Variants in CADM2 observed in about 807,000 individuals in gnomAD.
The protein encoded by CADM2 is cell adhesion molecule 2.
A neutral mutation model predicts 49.8 loss-of-function variants in CADM2; 12 were observed. The ratio of observed to expected loss-of-function variants is 0.24; its 90% CI spans 0.15 to 0.39. The LOEUF is 0.39. Among genes scored for constraint, CADM2 ranks in the 10% least tolerant of loss-of-function variants. CADM2 has a pLI of 1.00. For synonymous variants in CADM2, 214 were observed against 175.4 expected (o/e 1.22, Z -1.74); for missense variants, 378 against 492.3 (o/e 0.77, Z 2.20).
At chr3:85,886,050 A>G (rs1472470628) in intron 4 of CADM2, 140 bp from the exon 5 acceptor site, 70 of 1,261,322 alleles carry the variant, frequency 5.5e-5, no homozygotes, top group Non-Finnish European at 7.5e-5. Context: ...GAAGCAGTTT[A>G]TTACATAGTA....
chr3:85,163,049 G>T (rs1007937826), intron 1 of CADM2, among the ~76,000 whole-genome samples: 12 of 151,962 alleles, frequency 7.9e-5, no homozygotes, highest in Admixed American at 1.3e-4. Context: ...ATGTAAATTT[G>T]AAATAGTTAT....
At chr3:85,689,728 T>A (rs2066326337) in intron 1 of CADM2, among the ~76,000 whole-genome samples, 1 of 152,148 alleles carries the variant, frequency 6.6e-6, no homozygotes, top group South Asian at 2.1e-4. Context: ...ATATTGAAAA[T>A]GAGCAGATTA....
intron 1 of CADM2, among the ~76,000 whole-genome samples, chr3:85,549,065 G>A (rs1376204029): frequency 1.3e-5 from 2 of 152,192 alleles, no homozygotes; most frequent in African/African-American, 4.8e-5. Context: ...ATGAAGCCAA[G>A]TAAGCATAAT....
chr3:85,406,854 G>A (rs2035403325), intron 1 of CADM2, among the ~76,000 whole-genome samples: 1 of 151,388 alleles, frequency 6.6e-6, no homozygotes, highest in Non-Finnish European at 1.5e-5. Context: ...GCCACTTTTT[G>A]TCATCTTCAA....
intron 1 of CADM2, among the ~76,000 whole-genome samples, chr3:85,566,166 G>A (rs924790051): frequency 6.6e-6 from 1 of 152,034 alleles, no homozygotes; most frequent in African/African-American, 2.4e-5. Context: ...AAATCCTTAA[G>A]TTTTTGAGTA....
intron 2 of CADM2, among the ~76,000 whole-genome samples, chr3:85,760,478 A>G (rs996157683): frequency 6.6e-6 from 1 of 152,180 alleles, no homozygotes; most frequent in African/African-American, 2.4e-5. Flanking sequence ...TGTCCACTGC[A>G]TCTGTATGAG....
intron 1 of CADM2, among the ~76,000 whole-genome samples, chr3:85,682,243 G>A (rs2066059997): frequency 6.6e-6 from 1 of 152,060 alleles, no homozygotes; most frequent in African/African-American, 2.4e-5. Flanking sequence ...AGAAAAAGAG[G>A]TTGGGAATAA....
chr3:85,523,791 G>A (rs1208768160), intron 1 of CADM2, among the ~76,000 whole-genome samples: 1 of 151,878 alleles, frequency 6.6e-6, no homozygotes. Context: ...ACAATATGGG[G>A]TCTATAATGA....
At chr3:85,240,599 A>G (rs1438477125) in intron 1 of CADM2, among the ~76,000 whole-genome samples, 7 of 151,556 alleles carry the variant, frequency 4.6e-5, no homozygotes, top group Admixed American at 1.3e-4. Context: ...TGTTGTAGCA[A>G]TATCAATGGG....
intron 1 of CADM2, among the ~76,000 whole-genome samples, chr3:85,377,983 T>C (rs1222470002): frequency 1.3e-5 from 2 of 152,092 alleles, no homozygotes; most frequent in East Asian, 3.9e-4. Context: ...ATATTGTGAC[T>C]GTCTAAATGA....
rs1020223848 is a variant in CADM2 at position 85,368,549 on chromosome 3, A to AAT, written c.62-357963_62-357962dup. ...ATTAATATATATTAATATATACCTG[A>AAT]ATATATATATACCTGAATATATATA... On this transcript the variant is annotated intron_variant, in intron 1 of 9. Coordinates refer to ENST00000383699, the MANE Select transcript of CADM2 (RefSeq NM_001167675.2). 1.0e-4 allele frequency among the ~76,000 whole-genome samples: 15 copies of AAT among 150,008 alleles called. 1 individual carries two copies. Among genetic ancestry groups the AAT allele is most frequent in the Admixed American group, 4.0e-4 (6 of 14,984 alleles).
At chr3:85,469,198 A>G (rs2038656802) in intron 1 of CADM2, among the ~76,000 whole-genome samples, 2 of 152,182 alleles carry the variant, frequency 1.3e-5, no homozygotes, top group Admixed American at 1.3e-4. Flanking sequence ...GGTGGAGTCA[A>G]TTTCTTTTAT....
Position 85,695,589 on chromosome 3 carries a change from T to TACAC in CADM2, c.62-30918_62-30915dup, listed in dbSNP as rs141317727. Reference sequence around the variant, plus strand: ...ATATACACATATATATACGGGTACGTACACACACACACACACACGCACACA... The same window carrying TACAC: ...ATATACACATATATATACGGGTACGTACACACACACACACACACACACGCACACA... On this transcript the variant is annotated intron_variant, in intron 1 of 9. Coordinates refer to ENST00000383699, the MANE Select transcript of CADM2 (RefSeq NM_001167675.2). Among the ~76,000 whole-genome samples, 7 of 149,148 alleles carry TACAC rather than the reference T, an allele frequency of 4.7e-5. No homozygotes were observed. In the South Asian group the frequency reaches 6.3e-4, roughly 13 times the overall value.
chr3:85,660,806 C>T (rs1168265597), intron 1 of CADM2, among the ~76,000 whole-genome samples: 1 of 151,536 alleles, frequency 6.6e-6, no homozygotes, highest in African/African-American at 2.4e-5. Context: ...CAGATATTTC[C>T]AAAGGGAAAA....
intron 8 of CADM2, among the ~76,000 whole-genome samples, chr3:86,040,386 A>G (rs554715055): frequency 1.8e-4 from 27 of 152,376 alleles, no homozygotes; most frequent in African/African-American, 6.3e-4. Context: ...AGAAGTCCTT[A>G]AAGGACCTAA....
chr3:85,211,793 A>G (rs1576127996), intron 1 of CADM2, among the ~76,000 whole-genome samples: 1 of 152,152 alleles, frequency 6.6e-6, no homozygotes, highest in South Asian at 2.1e-4. Context: ...TGTTAGGTCT[A>G]TATGCTATAT....
At chr3:85,658,344 A>C (rs549027050) in intron 1 of CADM2, among the ~76,000 whole-genome samples, 2 of 151,920 alleles carry the variant, frequency 1.3e-5, no homozygotes, top group East Asian at 3.9e-4. Context: ...GTTTTTCTTC[A>C]CTTCATTCAG....
chr3:85,910,262 CAA>C (rs1717406608), intron 5 of CADM2, among the ~76,000 whole-genome samples: 1 of 151,900 alleles, frequency 6.6e-6, no homozygotes, highest in Non-Finnish European at 1.5e-5. Context: ...AATTGTTTGT[CAA>C]GAGATCAATA....
chr3:85,393,771 C>T (rs1446434507), intron 1 of CADM2, among the ~76,000 whole-genome samples: 7 of 151,744 alleles, frequency 4.6e-5, no homozygotes, highest in African/African-American at 1.7e-4. Flanking sequence ...TTTTTAATAA[C>T]GACATATTTG....
Sources: allele counts gnomAD v4.1 joint callset (sites outside exome capture counted in the v4.1 genomes callset), GRCh38; gene constraint gnomAD v4.1.1; transcripts MANE v1.5; gene names NCBI Gene and HGNC (gene_info 2026-07-23, HGNC 2026-07-21).